Variants in COX7B2 observed in about 807,000 individuals in gnomAD.
COX7B2 encodes cytochrome c oxidase subunit 7B2, mitochondrial.
For synonymous variants in COX7B2, 37 were observed against 32.1 expected (o/e 1.15, Z -0.51); for missense variants, 109 against 95.9 (o/e 1.14, Z -0.57).
At chr4:46,828,301 G>A (rs1714831386) in intron 2 of COX7B2, among the ~76,000 whole-genome samples, 1 of 152,032 alleles carries the variant, frequency 6.6e-6, no homozygotes, top group Non-Finnish European at 1.5e-5. Flanking sequence ...CCCAATAGAA[G>A]GAGTTGACAA....
At chr4:46,902,230 A>C (rs1449282900) in intron 1 of COX7B2, among the ~76,000 whole-genome samples, 1 of 152,152 alleles carries the variant, frequency 6.6e-6, no homozygotes, top group Non-Finnish European at 1.5e-5. Flanking sequence ...GAATCCCAAG[A>C]AAAAAAGGAG....
At chr4:46,855,642 G>C (rs138688421) in intron 1 of COX7B2, among the ~76,000 whole-genome samples, 2 of 151,780 alleles carry the variant, frequency 1.3e-5, no homozygotes, top group East Asian at 3.9e-4. Flanking sequence ...CTAAAAAAAA[G>C]CATGTAAATA....
rs570140022 is a variant in COX7B2, at chr4:46,787,034, C to T, written c.-49-51793G>A. Among the ~76,000 whole-genome samples the T allele has an allele frequency of 5.8e-4, 88 of 152,282 alleles. No individual in the cohort carries two copies. In the South Asian group the frequency reaches 9.9e-3, roughly 17 times the overall value. On this transcript the variant is annotated intron_variant, in intron 2 of 2. Coordinates refer to ENST00000355591, the MANE Select transcript of COX7B2 (RefSeq NM_130902.3). ...ACAGTCAGTAGCTTTCTTCCATCTT[C>T]TGAGCACTGCAAATTCTCCTTGTGT...
intron 2 of COX7B2, among the ~76,000 whole-genome samples, chr4:46,764,671 C>G (rs1482419870): frequency 8.3e-6 from 1 of 119,810 alleles, no homozygotes; most frequent in African/African-American, 3.3e-5. Flanking sequence ...CAAAGTGAGA[C>G]TCCGCCTCAA....
intron 2 of COX7B2, among the ~76,000 whole-genome samples, chr4:46,820,259 C>T (rs1414105299): frequency 6.6e-6 from 1 of 152,128 alleles, no homozygotes; most frequent in East Asian, 1.9e-4. Flanking sequence ...TTAGATTCTC[C>T]TAAGGAGCAC....
chr4:46,834,494 G>A (rs1715379658), intron 2 of COX7B2, among the ~76,000 whole-genome samples: 2 of 151,964 alleles, frequency 1.3e-5, no homozygotes, highest in Non-Finnish European at 2.9e-5. Flanking sequence ...GATAAACATG[G>A]CATAGCAAAT....
chr4:46,777,493 G>A (rs1415590366), intron 2 of COX7B2, among the ~76,000 whole-genome samples: 1 of 152,088 alleles, frequency 6.6e-6, no homozygotes, highest in African/African-American at 2.4e-5. Context: ...CCAGTGGAGA[G>A]AGAGGAAACA....
At chr4:46,781,217 C>T (rs1419935807) in intron 2 of COX7B2, among the ~76,000 whole-genome samples, 3 of 152,260 alleles carry the variant, frequency 2.0e-5, no homozygotes, top group African/African-American at 7.2e-5. Flanking sequence ...TACAGTTCTG[C>T]TCTGGACTTT....
intron 2 of COX7B2, among the ~76,000 whole-genome samples, chr4:46,784,300 T>A (rs1262695365): frequency 6.6e-6 from 1 of 152,130 alleles, no homozygotes; most frequent in Non-Finnish European, 1.5e-5. Flanking sequence ...TAATTTAATA[T>A]ATAATTTAGC....
chr4:46,807,151 T>C (rs971683366), intron 2 of COX7B2, among the ~76,000 whole-genome samples: 1 of 151,964 alleles, frequency 6.6e-6, no homozygotes, highest in African/African-American at 2.4e-5. Flanking sequence ...AAGAGATCCC[T>C]CTTCTCCACA....
intron 2 of COX7B2, among the ~76,000 whole-genome samples, chr4:46,819,607 G>T (rs2109688646): frequency 6.6e-6 from 1 of 151,414 alleles, no homozygotes; most frequent in East Asian, 1.9e-4. Context: ...TTATGAATTT[G>T]TGGTGGGCCA....
chr4:46,891,359 A>G (rs958013150), intron 1 of COX7B2, among the ~76,000 whole-genome samples: 4 of 152,172 alleles, frequency 2.6e-5, no homozygotes, highest in Admixed American at 6.5e-5. Flanking sequence ...ACATTTAAAC[A>G]AGAGAAAGGG....
intron 2 of COX7B2, among the ~76,000 whole-genome samples, chr4:46,754,634 T>A (rs116584112): frequency 0.28 from 34,993 of 127,132 alleles, 6,449 homozygotes; most frequent in South Asian, 0.44. Context: ...GGGGCATGTA[T>A]GCATATGTAA....
intron 2 of COX7B2, among the ~76,000 whole-genome samples, chr4:46,755,250 A>G (rs1371172646): frequency 6.6e-6 from 1 of 152,044 alleles, no homozygotes; most frequent in African/African-American, 2.4e-5. Flanking sequence ...CTTCATGATA[A>G]AAATCCTCCT....
intron 2 of COX7B2, among the ~76,000 whole-genome samples, chr4:46,805,657 C>A (rs550983094): frequency 6.6e-6 from 1 of 152,152 alleles, no homozygotes; most frequent in South Asian, 2.1e-4. Flanking sequence ...ATTTGTATTT[C>A]CCTCTCCTTT....
intron 2 of COX7B2, among the ~76,000 whole-genome samples, chr4:46,771,939 T>G (rs1716901847): frequency 6.6e-6 from 1 of 152,134 alleles, no homozygotes; most frequent in Non-Finnish European, 1.5e-5. Flanking sequence ...AAGTTTCAAA[T>G]TTTGGAGTAT....
chr4:46,808,970 G>A (rs1437013852), intron 2 of COX7B2, among the ~76,000 whole-genome samples: 1 of 151,854 alleles, frequency 6.6e-6, no homozygotes, highest in South Asian at 2.1e-4. Flanking sequence ...GTTCATCAGA[G>A]AAATTGGTCT....
intron 2 of COX7B2, among the ~76,000 whole-genome samples, chr4:46,829,869 CAT>C (rs1714949534): frequency 6.6e-6 from 1 of 152,116 alleles, no homozygotes; most frequent in Non-Finnish European, 1.5e-5. Context: ...AACTTTATTA[CAT>C]ATAGTTTTGA....
chr4:46,802,758 G>A (rs1418030277), intron 2 of COX7B2, among the ~76,000 whole-genome samples: 17 of 152,138 alleles, frequency 1.1e-4, no homozygotes, highest in Admixed American at 1.0e-3. Context: ...TGTAAGAGAA[G>A]TTGTGCAAAA....
Sources: allele counts gnomAD v4.1 joint callset (sites outside exome capture counted in the v4.1 genomes callset), GRCh38; gene constraint gnomAD v4.1.1; transcripts MANE v1.5; gene names NCBI Gene and HGNC (gene_info 2026-07-23, HGNC 2026-07-21).